The following TBC1D22A variants were observed in gnomAD, a reference collection of about 807,000 sequenced individuals.
The protein encoded by TBC1D22A is putative GTPase activator.
In TBC1D22A, 38 loss-of-function variants were observed where a neutral mutation model predicts 60.2. The observed-to-expected ratio is 0.63, with a 90% CI of 0.49 to 0.83. The LOEUF (loss-of-function observed/expected upper bound fraction) is 0.83, where lower values mean the gene tolerates loss of function less well. Among genes scored for constraint, TBC1D22A ranks in the 40% least tolerant of loss-of-function variants. TBC1D22A has a pLI of 0.00. For synonymous variants in TBC1D22A, 302 were observed against 281.7 expected (o/e 1.07, Z -0.72); for missense variants, 628 against 701.0 (o/e 0.90, Z 1.18).
chr22:46,895,613 C>T (rs1052820148), intron 7 of TBC1D22A, among the ~76,000 whole-genome samples: 2 of 152,326 alleles, frequency 1.3e-5, no homozygotes, highest in South Asian at 2.1e-4. Flanking sequence ...CTCAAGTGAT[C>T]TGCCCGCCTT....
chr22:46,958,449 A>G (rs1478259078), intron 8 of TBC1D22A, among the ~76,000 whole-genome samples: 5 of 152,144 alleles, frequency 3.3e-5, no homozygotes, highest in African/African-American at 7.2e-5. Flanking sequence ...GGCTCGGCAT[A>G]TGCATGTGGA....
intron 12 of TBC1D22A, among the ~76,000 whole-genome samples, chr22:47,155,614 G>A (rs2067682323): frequency 1.3e-5 from 2 of 151,588 alleles, no homozygotes; most frequent in Admixed American, 1.3e-4. Context: ...CATGAGGGCC[G>A]GCGAGGACGC....
chr22:46,800,112 A>T (rs903179014), intron 4 of TBC1D22A, among the ~76,000 whole-genome samples: 1 of 152,166 alleles, frequency 6.6e-6, no homozygotes, highest in African/African-American at 2.4e-5. Flanking sequence ...AGTGCCCTGT[A>T]ACATGCCATC....
At chr22:47,135,663 A>T (rs561276815) in intron 12 of TBC1D22A, among the ~76,000 whole-genome samples, 7 of 152,186 alleles carry the variant, frequency 4.6e-5, no homozygotes, top group Non-Finnish European at 1.0e-4. Flanking sequence ...GTTGAAGGTG[A>T]TTCTGCAATA....
At chr22:46,891,117 CT>C in intron 5 of TBC1D22A, 148 bp from the exon 6 acceptor site, 7 of 874,866 alleles carry the variant, frequency 8.0e-6, no homozygotes, top group South Asian at 4.2e-5. Context: ...GTGTGTGTTT[CT>C]TTTTTCCCAC....
At position 46,932,751 on chromosome 22, in the gene TBC1D22A, G is replaced by A. The variant is rs12158996; in HGVS notation, c.1015+20563G>A. Among the ~76,000 whole-genome samples, 913 of 117,964 alleles carry A rather than the reference G, an allele frequency of 7.7e-3. 8 individuals are homozygous for A. Among genetic ancestry groups the A allele is most frequent in the African/African-American group, 0.036 (870 of 24,346 alleles). 77.4% of individuals were successfully genotyped at this position (117,964 alleles called of 152,430 possible). ...TTTTTTTTTTTTTTTTTGAGATGGA[G>A]TCTCGCCCTGTTGCCCAGGCTGAAG... On this transcript the variant is annotated intron_variant, in intron 8 of 12. Transcript: ENST00000337137.
In TBC1D22A at chr22:47,067,870, C is replaced by G. The variant is rs565233344; in HGVS notation, c.1329+30672C>G. Among the ~76,000 whole-genome samples the G allele has an allele frequency of 2.6e-5, 4 of 152,380 alleles. No homozygotes were observed. In the South Asian group the frequency reaches 8.3e-4, roughly 32 times the overall value. On this transcript the variant is annotated intron_variant, in intron 11 of 12. Coordinates refer to ENST00000337137, the MANE Select transcript of TBC1D22A (RefSeq NM_014346.5). ...CAGGTGCCTGAAGGCCTCTGGAACA[C>G]ACACTTGTCTGTCTGTCGACCACCT...
At chr22:46,993,946 G>T (rs372886514) in intron 9 of TBC1D22A, among the ~76,000 whole-genome samples, 8 of 152,234 alleles carry the variant, frequency 5.3e-5, no homozygotes, top group Non-Finnish European at 1.0e-4. Context: ...TCGCCCTCGG[G>T]GGGTGGGGCC....
rs184637876 is a variant in TBC1D22A at position 46,798,950 on chromosome 22, G to A, written c.637+1330G>A. Among the ~76,000 whole-genome samples, 26 of 152,340 alleles carry A rather than the reference G, an allele frequency of 1.7e-4. No homozygotes were observed. The East Asian group carries it at 3.5e-3, about 20-fold the overall frequency. On this transcript the variant is annotated intron_variant, in intron 4 of 12. Coordinates refer to ENST00000337137, the MANE Select transcript of TBC1D22A (RefSeq NM_014346.5). The stretch of plus-strand genomic sequence containing the variant: ...ATGGCTGAAGCTGTGTTCTCGAGGC[G>A]GGGGAGGGCTCTTGGAAGGTCTCCT...
At chr22:47,060,766 A>G (rs1163104145) in intron 11 of TBC1D22A, among the ~76,000 whole-genome samples, 3 of 152,244 alleles carry the variant, frequency 2.0e-5, no homozygotes, top group Non-Finnish European at 2.9e-5. Flanking sequence ...GCTGCCAGAA[A>G]GGGCACACAA....
chr22:46,808,784 C>T (rs534243130), intron 4 of TBC1D22A, among the ~76,000 whole-genome samples: 4 of 152,270 alleles, frequency 2.6e-5, no homozygotes, highest in East Asian at 3.9e-4. Context: ...TTAGTAGAGA[C>T]GGGGTTTCAC....
At chr22:47,125,008 G>C (rs1192210227) in intron 12 of TBC1D22A, among the ~76,000 whole-genome samples, 1 of 152,076 alleles carries the variant, frequency 6.6e-6, no homozygotes, top group East Asian at 1.9e-4. Flanking sequence ...GCAGGGGCTT[G>C]CAGAGGGTGG....
chr22:46,899,900 C>T (rs2068890282), intron 7 of TBC1D22A, among the ~76,000 whole-genome samples: 1 of 151,992 alleles, frequency 6.6e-6, no homozygotes, highest in East Asian at 1.9e-4. Flanking sequence ...GTTGTGTGCT[C>T]CCCTAAAGTT....
chr22:46,920,084 T>TATGTATGA (rs146766434), intron 8 of TBC1D22A, among the ~76,000 whole-genome samples: 126 of 149,104 alleles, frequency 8.5e-4, no homozygotes, highest in African/African-American at 3.0e-3. Context: ...TGTATGTATG[T>TATGTATGA]ATGAATGAAG....
At chr22:47,065,511 G>C (rs1024773692) in intron 11 of TBC1D22A, among the ~76,000 whole-genome samples, 2 of 152,192 alleles carry the variant, frequency 1.3e-5, no homozygotes, top group African/African-American at 4.8e-5. Context: ...GCTTCTGTTG[G>C]GGGGCAGGCC....
intron 4 of TBC1D22A, among the ~76,000 whole-genome samples, chr22:46,846,978 G>A (rs2087026970): frequency 6.6e-6 from 1 of 152,168 alleles, no homozygotes; most frequent in Non-Finnish European, 1.5e-5. Flanking sequence ...CTGTTTAGGC[G>A]GGTGTCCCCT....
At chr22:47,148,780 C>G in intron 12 of TBC1D22A, among the ~76,000 whole-genome samples, 1 of 151,562 alleles carries the variant, frequency 6.6e-6, no homozygotes. Context: ...GTCCCTCTCT[C>G]CCCTGGGTTC....
chr22:46,912,248 T>C, intron 8 of TBC1D22A, 60 bp downstream of exon 8: 3 of 1,205,682 alleles, frequency 2.5e-6, no homozygotes, highest in Non-Finnish European at 3.6e-6. Context: ...TGTTACTATG[T>C]ATAATTATAA....
At chr22:46,963,744 C>T (rs1368112580) in intron 8 of TBC1D22A, among the ~76,000 whole-genome samples, 4 of 152,198 alleles carry the variant, frequency 2.6e-5, no homozygotes, top group East Asian at 1.9e-4. Context: ...ATTCTGGGGC[C>T]GTGCACCTCC....
Sources: allele counts gnomAD v4.1 joint callset (sites outside exome capture counted in the v4.1 genomes callset), GRCh38; gene constraint gnomAD v4.1.1; transcripts MANE v1.5; gene names NCBI Gene and HGNC (gene_info 2026-07-23, HGNC 2026-07-21).